The following MAPK10 variants were observed in gnomAD, a reference collection of about 807,000 sequenced individuals.
MAPK10 encodes the protein JNK3 alpha protein kinase.
Under a neutral mutation model 59.3 loss-of-function variants are expected in MAPK10, and 25 were observed. The observed-to-expected ratio is 0.42, with a 90% CI of 0.31 to 0.59. The LOEUF is 0.59. Ranked by LOEUF, MAPK10 falls within the 20% of genes least tolerant of loss-of-function variation. The pLI, the probability that MAPK10 is intolerant of heterozygous loss-of-function variation, is 0.15. For synonymous variants in MAPK10, 190 were observed against 200.5 expected, an observed-to-expected ratio of 0.95 and a Z score of 0.44; for missense variants, 351 against 568.9, an observed-to-expected ratio of 0.62 and a Z score of 3.90.
In MAPK10 at chr4:86,579,826, T is replaced by G. The variant is rs186945942; in HGVS notation, c.-263+14084A>C. On this transcript the variant is annotated intron_variant, in intron 1 of 4. Transcript: ENST00000502302. ...TGTTTTCTATGTTTTAGATTTTTCTTTTTAAGAGACAGGGTCTTGCTCTGT... is the reference window on the plus strand; with the variant it reads ...TGTTTTCTATGTTTTAGATTTTTCTGTTTAAGAGACAGGGTCTTGCTCTGT... Among the ~76,000 whole-genome samples the G allele has an allele frequency of 6.2e-4, 95 of 152,306 alleles. 1 individual carries two copies. Among genetic ancestry groups the G allele is most frequent in the African/African-American group, 2.0e-3 (85 of 41,574 alleles).
intron 3 of MAPK10, among the ~76,000 whole-genome samples, chr4:86,180,916 A>T (rs114292256): frequency 0.085 from 12,901 of 152,094 alleles, 1,216 homozygotes; most frequent in African/African-American, 0.23. Context: ...AGGAAGAATA[A>T]AATACGGTGT....
At chr4:86,021,931 T>A (rs1747251385) in intron 13 of MAPK10, among the ~76,000 whole-genome samples, 1 of 152,216 alleles carries the variant, frequency 6.6e-6, no homozygotes, top group South Asian at 2.1e-4. Context: ...CACGCCTACC[T>A]GCAACTCCAG....
chr4:86,410,487 C>T (rs1745000973), intron 1 of MAPK10, among the ~76,000 whole-genome samples: 1 of 152,148 alleles, frequency 6.6e-6, no homozygotes, highest in Admixed American at 6.5e-5. Flanking sequence ...GTACCAGCTC[C>T]TTTTTGTACC....
intron 2 of MAPK10, among the ~76,000 whole-genome samples, chr4:86,280,994 A>C (rs1489926698): frequency 1.3e-5 from 2 of 152,070 alleles, no homozygotes; most frequent in Non-Finnish European, 2.9e-5. Flanking sequence ...TATAGGGTAC[A>C]ATGCTCACTA....
upstream of MAPK10, among the ~76,000 whole-genome samples, chr4:86,364,097 ATTGTTGTTGTTG>A (rs66851270): frequency 2.7e-5 from 4 of 149,688 alleles, no homozygotes; most frequent in Non-Finnish European, 5.9e-5. Flanking sequence ...GAAACTCTTT[ATTGTTGTTGTTG>A]TTGTTGTTGT....
chr4:86,147,222 C>A (rs554825495), intron 4 of MAPK10, among the ~76,000 whole-genome samples: 1 of 151,946 alleles, frequency 6.6e-6, no homozygotes, highest in African/African-American at 2.4e-5. Context: ...GAGTCGCTGA[C>A]ACCACAGGCA....
intron 3 of MAPK10, among the ~76,000 whole-genome samples, chr4:86,160,957 A>T (rs1316092660): frequency 6.8e-6 from 1 of 146,612 alleles, no homozygotes; most frequent in African/African-American, 2.5e-5. Context: ...AAAGGGATCC[A>T]AGCAGCATCA....
intron 9 of MAPK10, among the ~76,000 whole-genome samples, chr4:86,075,562 A>T (rs1182522305): frequency 6.6e-6 from 1 of 152,144 alleles, no homozygotes; most frequent in African/African-American, 2.4e-5. Context: ...TGATGTACAG[A>T]TGGGTTTTCA....
At chr4:86,111,541 G>T (rs6531897) in intron 4 of MAPK10, among the ~76,000 whole-genome samples, 1 of 151,980 alleles carries the variant, frequency 6.6e-6, no homozygotes, top group African/African-American at 2.4e-5. Context: ...ATTGATTTGC[G>T]TATGTTAAAC....
intron 1 of MAPK10, among the ~76,000 whole-genome samples, chr4:86,497,690 A>G (rs1754975374): frequency 6.6e-6 from 1 of 152,226 alleles, no homozygotes; most frequent in African/African-American, 2.4e-5. Context: ...AAAGGAGGAA[A>G]GAAAGCCCTG....
chr4:86,446,706 T>C lies in MAPK10; in HGVS notation c.-122+6324A>G, dbSNP rs1001617300. 4.8e-4 allele frequency among the ~76,000 whole-genome samples: 73 copies of C among 152,306 alleles called. 2 individuals carry two copies. Among genetic ancestry groups the C allele is most frequent in the Admixed American group, 2.1e-3 (32 of 15,286 alleles). Reference sequence around the variant, plus strand: ...CACCAGCAGTTCTTGATATGATATTTGCTATTACTCTCCATCCTTACTGAT... The same window carrying C: ...CACCAGCAGTTCTTGATATGATATTCGCTATTACTCTCCATCCTTACTGAT... On this transcript the variant is annotated intron_variant, in intron 1 of 13. Transcript: ENST00000361569.
chr4:86,067,847 T>C lies in MAPK10; in HGVS notation c.911A>G (p.Tyr304Cys). 3 of 1,614,114 alleles carry C rather than the reference T, an allele frequency of 1.9e-6. No homozygotes were observed. Among genetic ancestry groups the C allele is most frequent in the Non-Finnish European group, 2.5e-6 (3 of 1,179,990 alleles). ...GAGTTTGGGGAAGGTGAGTCCCGCA[T>C]ACTTGGGCCGATTCTCCACATAGTT... ...VRNYVENRPKYAGLTFPKLFP... is the reference protein window; with the variant it reads ...VRNYVENRPKCAGLTFPKLFP... Residue 304 changes from tyrosine (Y) to cysteine (C), a missense_variant, in exon 10 of 14, where the codon TAT (tyrosine) becomes TGT (cysteine). Physicochemically the swap from Tyr to Cys is radical, Grantham distance 194. Coordinates refer to ENST00000641462, the MANE Select transcript of MAPK10 (RefSeq NM_138982.4).
intron 2 of MAPK10, among the ~76,000 whole-genome samples, chr4:86,299,203 C>T (rs1450699591): frequency 6.6e-6 from 1 of 152,054 alleles, no homozygotes; most frequent in African/African-American, 2.4e-5. Flanking sequence ...TTCATGAAAG[C>T]AAACTTTCGA....
At chr4:86,309,157 G>T (rs538426636) in intron 2 of MAPK10, among the ~76,000 whole-genome samples, 40 of 152,164 alleles carry the variant, frequency 2.6e-4, no homozygotes, top group African/African-American at 4.6e-4. Flanking sequence ...CCCTATTTTG[G>T]TTTTTTGTTA....
intron 1 of MAPK10, among the ~76,000 whole-genome samples, chr4:86,481,032 T>C (rs1347485024): frequency 1.3e-5 from 2 of 152,162 alleles, no homozygotes; most frequent in Non-Finnish European, 2.9e-5. Flanking sequence ...AACCCAGGTA[T>C]AGGACAAGAC....
At chr4:86,154,271 C>T (rs2067163080) in intron 4 of MAPK10, among the ~76,000 whole-genome samples, 1 of 152,092 alleles carries the variant, frequency 6.6e-6, no homozygotes. Flanking sequence ...AGATCCTTAG[C>T]TGGCCCTGTG....
intron 11 of MAPK10, among the ~76,000 whole-genome samples, chr4:86,060,971 C>A (rs1282260603): frequency 6.6e-6 from 1 of 152,000 alleles, no homozygotes; most frequent in Non-Finnish European, 1.5e-5. Flanking sequence ...ATGTAAAAGT[C>A]ATAATAGTAA....
chr4:86,311,035 TACACACACAC>T (rs143712904), intron 2 of MAPK10, among the ~76,000 whole-genome samples: 6 of 141,882 alleles, frequency 4.2e-5, no homozygotes, highest in East Asian at 2.1e-4. Flanking sequence ...AGTTTTAAGT[TACACACACAC>T]ACACACACAC....
At chr4:86,069,197 A>C (rs1344732506) in intron 9 of MAPK10, among the ~76,000 whole-genome samples, 1 of 152,176 alleles carries the variant, frequency 6.6e-6, no homozygotes, top group Non-Finnish European at 1.5e-5. Context: ...AGAAATATAT[A>C]ATACAAACAG....
Sources: gnomAD v4.1 joint callset for allele counts (sites outside exome capture counted in the v4.1 genomes callset) on GRCh38, gnomAD v4.1.1 for gene constraint, MANE v1.5 for transcripts, NCBI Gene and HGNC (gene_info 2026-07-23, HGNC 2026-07-21) for gene names.